The following SAR1B variants were observed in gnomAD, a reference collection of about 807,000 sequenced individuals.
SAR1B encodes secretion associated Ras related GTPase 1B.
A neutral mutation model predicts 26.8 loss-of-function variants in SAR1B; 23 were observed. The ratio of observed to expected loss-of-function variants is 0.86; its 90% CI spans 0.62 to 1.22. SAR1B has a LOEUF of 1.22. Ranked by LOEUF, SAR1B falls within the 50% of genes most tolerant of loss-of-function variation. The probability of loss-of-function intolerance (pLI) is 0.00; values close to 1 mark genes in which losing one functional copy is unlikely to be tolerated. For synonymous variants in SAR1B, 65 were observed against 80.8 expected (o/e 0.80, Z 1.05); for missense variants, 196 against 232.8 (o/e 0.84, Z 1.03).
chr5:134,627,930 G>A (rs1370508517), intron 1 of SAR1B, among the ~76,000 whole-genome samples: 1 of 151,446 alleles, frequency 6.6e-6, no homozygotes, highest in African/African-American at 2.4e-5. Flanking sequence ...ACCTGAGTTC[G>A]GGAGTTCGAG....
At chr5:134,612,237 C>A (rs1047321230) in intron 4 of SAR1B, among the ~76,000 whole-genome samples, 2 of 152,116 alleles carry the variant, frequency 1.3e-5, no homozygotes, top group Non-Finnish European at 2.9e-5. Flanking sequence ...TACTCATACA[C>A]TTTACCACCA....
intron 6 of SAR1B, 111 bp from the exon 7 acceptor site, chr5:134,607,177 A>ATGGCTGTGATAAATCCG (rs1165812455): frequency 2.5e-6 from 2 of 807,620 alleles, no homozygotes; most frequent in Non-Finnish European, 4.3e-6. Flanking sequence ...TGATAAATCC[A>ATGGCTGTGATAAATCCG]TGACTGTGAT....
chr5:134,605,659 C>CAAAAAAAAAAAAAAAAAAAAAA lies in SAR1B; in HGVS notation c.*1290_*1291insTTTTTTTTTTTTTTTTTTTTTT, dbSNP rs1026047463. On this transcript the variant is annotated 3_prime_UTR_variant, in exon 7 of 7. Coordinates refer to ENST00000402673, the MANE Select transcript of SAR1B (RefSeq NM_016103.4). ...GTCTCTAAAACAAAATGAAACAGAG[C>CAAAAAAAAAAAAAAAAAAAAAA]AAAAAAAAAAAAAAAAAAAAAGCCC... The CAAAAAAAAAAAAAAAAAAAAAA allele has an allele frequency of 5.7e-5, 2 of 35,014 alleles. No individual in the cohort carries two copies. The highest frequency in any genetic ancestry group is 1.0e-4 in the African/African-American group (1 of 9,576). The allele number at this position is 35,014 out of a possible 1,614,324, so 2.2% of individuals were successfully genotyped here. A position where few individuals can be genotyped will look rare whatever the true frequency, so the allele number is the denominator to read the frequency against.
intron 1 of SAR1B, among the ~76,000 whole-genome samples, chr5:134,628,886 C>T (rs561027794): frequency 6.6e-6 from 1 of 152,136 alleles, no homozygotes; most frequent in East Asian, 1.9e-4. Context: ...GAACTCCTGA[C>T]CTCGAGATCC....
chr5:134,623,086 C>T (rs542182830), intron 2 of SAR1B, among the ~76,000 whole-genome samples: 19 of 145,132 alleles, frequency 1.3e-4, no homozygotes, highest in Admixed American at 1.4e-4. Context: ...CGCACCACTG[C>T]GCTCCAACCT....
chr5:134,602,162 G>A lies in SAR1B; in HGVS notation c.*4788C>T, dbSNP rs1765043588. The stretch of plus-strand genomic sequence containing the variant: ...TCTGCCCTAAAATCTATTTGGGGCA[G>A]GGGACACACCTGAAACAAAGTTGGC... On this transcript the variant is annotated 3_prime_UTR_variant, in exon 7 of 7. Coordinates refer to ENST00000402673, the MANE Select transcript of SAR1B (RefSeq NM_016103.4). The A allele has an allele frequency of 6.6e-6, 1 of 152,220 alleles. No homozygotes were observed. The highest frequency in any genetic ancestry group is 2.1e-4 in the South Asian group (1 of 4,828). The allele number at this position is 152,220 out of a possible 1,614,324, so 9.4% of individuals were successfully genotyped here.
Position 134,605,659 on chromosome 5 carries a change from C to CAAAAAAAAAAAAAAAAAAAAAGAA in SAR1B, c.*1290_*1291insTTCTTTTTTTTTTTTTTTTTTTTT, listed in dbSNP as rs1765114573. On this transcript the variant is annotated 3_prime_UTR_variant, in exon 7 of 7. Transcript: ENST00000402673. ...GTCTCTAAAACAAAATGAAACAGAGCAAAAAAAAAAAAAAAAAAAAAGCCC... is the reference window on the plus strand; with the variant it reads ...GTCTCTAAAACAAAATGAAACAGAGCAAAAAAAAAAAAAAAAAAAAAGAAAAAAAAAAAAAAAAAAAAAAAGCCC... 1 of 35,024 alleles carries CAAAAAAAAAAAAAAAAAAAAAGAA rather than the reference C, an allele frequency of 2.9e-5. No individual in the cohort carries two copies. Among genetic ancestry groups the CAAAAAAAAAAAAAAAAAAAAAGAA allele is most frequent in the Non-Finnish European group, 5.9e-5 (1 of 16,908 alleles). 2.2% of individuals were successfully genotyped at this position (35,024 alleles called of 1,614,324 possible). A position where few individuals can be genotyped will look rare whatever the true frequency, so the allele number is the denominator to read the frequency against.
At chr5:134,619,403 G>A (rs1765367214) in intron 3 of SAR1B, among the ~76,000 whole-genome samples, 1 of 150,584 alleles carries the variant, frequency 6.6e-6, no homozygotes, top group Non-Finnish European at 1.5e-5. Context: ...CTGTTGCCCA[G>A]GTTAGGAGTG....
chr5:134,606,218 T>A lies in SAR1B; in HGVS notation c.*732A>T, dbSNP rs1580644615. On this transcript the variant is annotated 3_prime_UTR_variant, in exon 7 of 7. Coordinates refer to ENST00000402673, the MANE Select transcript of SAR1B (RefSeq NM_016103.4). ...GCTGCATTACTAATAAAAATACACA[T>A]GATTCAGGGATACATGGTATCAGGT... The A allele has an allele frequency of 2.0e-5, 3 of 152,540 alleles. No homozygotes were observed. Among genetic ancestry groups the A allele is most frequent in the Admixed American group, 6.5e-5 (1 of 15,332 alleles). The allele number at this position is 152,540 out of a possible 1,614,324, so 9.4% of individuals were successfully genotyped here. A position where few individuals can be genotyped will look rare whatever the true frequency, so the allele number is the denominator to read the frequency against.
chr5:134,612,475 T>A (rs1765229743), intron 4 of SAR1B, among the ~76,000 whole-genome samples: 1 of 151,350 alleles, frequency 6.6e-6, no homozygotes, highest in Non-Finnish European at 1.5e-5. Flanking sequence ...CGAAATCCCA[T>A]CTCTACTAAG....
chr5:134,623,445 C>T (rs1238461565), intron 2 of SAR1B, among the ~76,000 whole-genome samples: 1 of 126,508 alleles, frequency 7.9e-6, no homozygotes, highest in Non-Finnish European at 1.7e-5. Context: ...ATCTCAGAAA[C>T]AAACAAACAA....
chr5:134,617,731 G>T (rs1469537197), intron 3 of SAR1B, among the ~76,000 whole-genome samples: 1 of 151,986 alleles, frequency 6.6e-6, no homozygotes, highest in Non-Finnish European at 1.5e-5. Flanking sequence ...GCCCAGGCTG[G>T]AATGCAGTGG....
intron 4 of SAR1B, 41 bp downstream of exon 4, chr5:134,612,640 CTAAAAAAAAA>C (rs1765234104): frequency 1.1e-6 from 1 of 898,174 alleles, no homozygotes; most frequent in Non-Finnish European, 1.4e-6. Context: ...GTGAGCCTGT[CTAAAAAAAAA>C]AAAAAAAAAA....
At chr5:134,629,700 A>AAAC in intron 1 of SAR1B, among the ~76,000 whole-genome samples, 1 of 151,286 alleles carries the variant, frequency 6.6e-6, no homozygotes, top group East Asian at 1.9e-4. Context: ...CCATCTCAAA[A>AAAC]AAACAAACAA....
Position 134,606,906 on chromosome 5 carries a change from G to A in SAR1B, c.*44C>T, listed in dbSNP as rs774221749. The A allele has an allele frequency of 3.2e-6, 4 of 1,247,892 alleles. No homozygotes were observed. Among genetic ancestry groups the A allele is most frequent in the African/African-American group, 1.5e-5 (1 of 67,690 alleles). 77.3% of individuals were successfully genotyped at this position (1,247,892 alleles called of 1,614,324 possible). A position where few individuals can be genotyped will look rare whatever the true frequency, so the allele number is the denominator to read the frequency against. ...ATGCATGTTGAGCAATCAAATCTCT[G>A]AGTAAGCCTGAACGTTGAGACCTGG... On this transcript the variant is annotated 3_prime_UTR_variant, in exon 7 of 7. Coordinates refer to ENST00000402673, the MANE Select transcript of SAR1B (RefSeq NM_016103.4).
In SAR1B at chr5:134,612,680, A is replaced by ATAAAATT; in HGVS notation, c.244+10_244+11insAATTTTA. On this transcript the variant is annotated intron_variant, in intron 4 of 6. Transcript: ENST00000402673. ...AAAAAAAAAAAAAAAAAAAAAAAAA[A>ATAAAATT]AGAATCTTACCTTGAACATGTCCAC... 10 of 1,043,408 alleles carry ATAAAATT rather than the reference A, an allele frequency of 9.6e-6. No individual in the cohort carries two copies. Among genetic ancestry groups the ATAAAATT allele is most frequent in the African/African-American group, 1.7e-5 (1 of 57,722 alleles). The allele number at this position is 1,043,408 out of a possible 1,614,324, so 64.6% of individuals were successfully genotyped here. A position where few individuals can be genotyped will look rare whatever the true frequency, so the allele number is the denominator to read the frequency against.
At chr5:134,626,726 T>G (rs140454678) in intron 1 of SAR1B, among the ~76,000 whole-genome samples, 597 of 152,306 alleles carry the variant, frequency 3.9e-3, no homozygotes, top group Non-Finnish European at 6.6e-3. Flanking sequence ...ATGGCTCATT[T>G]AAATGAAATA....
chr5:134,620,501 A>T (rs1765387420), intron 3 of SAR1B, among the ~76,000 whole-genome samples: 1 of 152,118 alleles, frequency 6.6e-6, no homozygotes, highest in South Asian at 2.1e-4. Flanking sequence ...GGTCACCTAT[A>T]ATTTATTATT....
chr5:134,631,335 A>C (rs1414139940), intron 1 of SAR1B, among the ~76,000 whole-genome samples: 1 of 152,174 alleles, frequency 6.6e-6, no homozygotes, highest in Non-Finnish European at 1.5e-5. Context: ...ACATTTTTTA[A>C]GTTCAAAACA....
Sources: allele counts gnomAD v4.1 joint callset (sites outside exome capture counted in the v4.1 genomes callset), GRCh38; gene constraint gnomAD v4.1.1; transcripts MANE v1.5; gene names NCBI Gene and HGNC (gene_info 2026-07-23, HGNC 2026-07-21).